The following ZW10 variants were observed in gnomAD, a reference collection of about 807,000 sequenced individuals.
ZW10 encodes centromere/kinetochore protein zw10 homolog.
In ZW10, 53 loss-of-function variants were observed where a neutral mutation model predicts 87.8. The ratio of observed to expected loss-of-function variants is 0.60; its 90% CI spans 0.48 to 0.76. The LOEUF is 0.76. ZW10 is among the 30% of genes least tolerant of loss of function. ZW10 has a pLI of 0.00. For synonymous variants in ZW10, 312 were observed against 329.2 expected (o/e 0.95, Z 0.57); for missense variants, 837 against 923.0 (o/e 0.91, Z 1.21).
At chr11:113,735,000 C>T (rs1953533590) in intron 15 of ZW10, among the ~76,000 whole-genome samples, 1 of 152,002 alleles carries the variant, frequency 6.6e-6, no homozygotes, top group African/African-American at 2.4e-5. Context: ...ATAATGGTTA[C>T]CCCTCATGGA....
chr11:113,766,436 C>T lies in ZW10; in HGVS notation c.240+2397G>A, dbSNP rs954342090. On this transcript the variant is annotated intron_variant, in intron 2 of 15. Coordinates refer to ENST00000200135, the MANE Select transcript of ZW10 (RefSeq NM_004724.4). ...CTGTAATCCCAGCACTTTGGGAGGCCGAGGCGGGTGGATCACGAGGTCAGG... is the reference window on the plus strand; with the variant it reads ...CTGTAATCCCAGCACTTTGGGAGGCTGAGGCGGGTGGATCACGAGGTCAGG... 2.7e-5 allele frequency among the ~76,000 whole-genome samples: 4 copies of T among 145,792 alleles called. No homozygotes were observed. In the East Asian group the frequency reaches 6.2e-4, roughly 23 times the overall value.
chr11:113,773,521 G>T (rs201637602), intron 1 of ZW10, 41 bp downstream of exon 1: 16 of 1,565,150 alleles, frequency 1.0e-5, no homozygotes, highest in Non-Finnish European at 1.4e-5. Context: ...ACAAGGACCC[G>T]GAGTCCCCTT....
Position 113,739,118 on chromosome 11 carries a change from C to T in ZW10, c.1753+95G>A, listed in dbSNP as rs1457397141. On this transcript the variant is annotated intron_variant, in intron 12 of 15. Coordinates refer to ENST00000200135, the MANE Select transcript of ZW10 (RefSeq NM_004724.4). ...TTTCTGATACAGCTCAGGACCACCA[C>T]CTAATTTCTAATTTTCTCATTCAAA... The T allele has an allele frequency of 1.8e-5, 25 of 1,401,934 alleles. No homozygotes were observed. In the East Asian group the frequency reaches 4.5e-4, roughly 25 times the overall value. The allele number at this position is 1,401,934 out of a possible 1,614,324, so 86.8% of individuals were successfully genotyped here. A position where few individuals can be genotyped will look rare whatever the true frequency, so the allele number is the denominator to read the frequency against.
intron 9 of ZW10, 30 bp downstream of exon 9, chr11:113,747,487 CTCATATACAATGTT>C: frequency 1.3e-6 from 2 of 1,529,388 alleles, no homozygotes; most frequent in Non-Finnish European, 1.8e-6. Flanking sequence ...GAGTTGCTTT[CTCATATACAATGTT>C]TCATATACAA....
At chr11:113,741,524 T>C (rs967458959) in intron 11 of ZW10, among the ~76,000 whole-genome samples, 170 bp downstream of exon 11, 1 of 152,264 alleles carries the variant, frequency 6.6e-6, no homozygotes, top group Non-Finnish European at 1.5e-5. Context: ...AATTTAGTAA[T>C]AAATGACCAA....
rs145825447 is a variant in ZW10, at chr11:113,737,874, T to C, written c.1885-171A>G. ...CATTTAACCATAGTGATATCCCTGG[T>C]AGATGAAAAGCAGACTCATCAACCT... On this transcript the variant is annotated intron_variant, in intron 13 of 15. Coordinates refer to ENST00000200135, the MANE Select transcript of ZW10 (RefSeq NM_004724.4). Among the ~76,000 whole-genome samples, 972 of 152,290 alleles carry C rather than the reference T, an allele frequency of 6.4e-3. 11 individuals are homozygous for C. The highest frequency in any genetic ancestry group is 0.022 in the African/African-American group (933 of 41,558).
chr11:113,737,573 T>C lies in ZW10; in HGVS notation c.2015A>G (p.Glu672Gly). 1 of 1,611,162 alleles carries C rather than the reference T, an allele frequency of 6.2e-7. No homozygotes were observed. The highest frequency in any genetic ancestry group is 8.5e-7 in the Non-Finnish European group (1 of 1,178,026). The part of the protein sequence containing the change: ...SEVIGKITAL[E>G]DISTEDGDRL... Reference sequence around the variant, plus strand: ...AGTGTAGCATCTAATGGCCCTTACCTCTAGGGCAGTAATTTTGCCAATGAC... The same window carrying C: ...AGTGTAGCATCTAATGGCCCTTACCCCTAGGGCAGTAATTTTGCCAATGAC... Residue 672 changes from glutamate (E) to glycine (G), a missense_variant and splice_region_variant, in exon 14 of 16, where the codon GAG becomes GGG. Physicochemically the swap from Glu to Gly is moderately conservative, Grantham distance 98. Coordinates refer to ENST00000200135, the MANE Select transcript of ZW10 (RefSeq NM_004724.4).
chr11:113,738,449 A>G, intron 12 of ZW10, 55 bp from the exon 13 acceptor site: 1 of 1,562,462 alleles, frequency 6.4e-7, no homozygotes, highest in East Asian at 2.3e-5. Context: ...TACACACTGC[A>G]AAACCAGGAT....
At position 113,760,872 on chromosome 11, in the gene ZW10, T is replaced by G; in HGVS notation, c.287A>C (p.Lys96Thr). ...HVSTGEFTDL[K>T]QQLERDSVVL... ...AACTGAGTCTCTTTCCAACTGCTGCTTTAAGTCTGTAAATTCACCGGTTGA... is the reference window on the plus strand; with the variant it reads ...AACTGAGTCTCTTTCCAACTGCTGCGTTAAGTCTGTAAATTCACCGGTTGA... Residue 96 changes from lysine (K) to threonine (T), a missense_variant, in exon 3 of 16, where the codon AAG becomes ACG. By Grantham distance (78) the Lys-to-Thr change is moderately conservative. Coordinates refer to ENST00000200135, the MANE Select transcript of ZW10 (RefSeq NM_004724.4). 1 of 1,614,134 alleles carries G rather than the reference T, an allele frequency of 6.2e-7. No homozygotes were observed. The highest frequency in any genetic ancestry group is 8.5e-7 in the Non-Finnish European group (1 of 1,180,022).
rs374339388 is a variant in ZW10, at chr11:113,743,945, G to T, written c.1368C>A (p.His456Gln). The stretch of plus-strand genomic sequence containing the variant: ...TTTCAGGCTCTAAATTCATCACTTC[G>T]TGGTACTGAGTATTGGATACTTTCT... ...EVQKVSNTQY[H>Q]EVMNLEPENT... Residue 456 changes from histidine (H) to glutamine (Q), a missense_variant, in exon 10 of 16, where the codon CAC becomes CAA. Physicochemically the swap from His to Gln is conservative, Grantham distance 24. Transcript: ENST00000200135. 1.9e-6 allele frequency: 3 copies of T among 1,614,056 alleles called. No homozygotes were observed. The African/African-American group carries it at 4.0e-5, about 22-fold the overall frequency.
intron 7 of ZW10, among the ~76,000 whole-genome samples, chr11:113,749,277 A>G (rs1377346900): frequency 6.6e-6 from 1 of 152,224 alleles, no homozygotes; most frequent in Non-Finnish European, 1.5e-5. Context: ...TCTAGTCTGC[A>G]TTGTCCAATA....
At chr11:113,739,548 A>C (rs969170366) in intron 11 of ZW10, among the ~76,000 whole-genome samples, 166 bp from the exon 12 acceptor site, 3 of 152,234 alleles carry the variant, frequency 2.0e-5, no homozygotes, top group Non-Finnish European at 2.9e-5. Context: ...TCCCAGAGGG[A>C]GGCTGTTCTG....
Position 113,765,174 on chromosome 11 carries a change from C to T in ZW10, c.240+3659G>A, listed in dbSNP as rs1480582613. On this transcript the variant is annotated intron_variant, in intron 2 of 15. Coordinates refer to ENST00000200135, the MANE Select transcript of ZW10 (RefSeq NM_004724.4). ...ATCAATAGTGACAAGGGTGAGAAAC[C>T]CTGCTTTATATACTCTTTCTGGGCA... Among the ~76,000 whole-genome samples the T allele has an allele frequency of 5.9e-5, 9 of 152,252 alleles. No homozygotes were observed. In the East Asian group the frequency reaches 1.7e-3, roughly 29 times the overall value.
In ZW10 at chr11:113,757,771, T is replaced by C; in HGVS notation, c.816A>G (p.Ile272Met). 1 of 1,613,850 alleles carries C rather than the reference T, an allele frequency of 6.2e-7. No homozygotes were observed. Among genetic ancestry groups the C allele is most frequent in the Non-Finnish European group, 8.5e-7 (1 of 1,179,826 alleles). The change falls in exon 7 of 16, where the codon ATA becomes ATG. Residue 272 changes from isoleucine (I) to methionine (M), a missense_variant. Transcript: ENST00000200135. ...TTATAGATTCAAAACGAATAATAAC[T>C]ATGTTAGGCTGGCTTTCTATCACAG... ...LHAVIESQPN[I>M]VIIRFESIMT...
At position 113,770,982 on chromosome 11, in the gene ZW10, T is replaced by TC. The variant is rs1953960562; in HGVS notation, c.106-2016_106-2015insG. Among the ~76,000 whole-genome samples the TC allele has an allele frequency of 2.1e-5, 3 of 139,648 alleles. No homozygotes were observed. In the South Asian group the frequency reaches 6.9e-4, roughly 32 times the overall value. The allele number at this position is 139,648 out of a possible 152,430, so 91.6% of individuals were successfully genotyped here. A position where few individuals can be genotyped will look rare whatever the true frequency, so the allele number is the denominator to read the frequency against. ...ACTTGAGGATGCTATTTTTTTTTTTTTTTTTTTTGAGACAGAGTCTCACTC... is the reference window on the plus strand; with the variant it reads ...ACTTGAGGATGCTATTTTTTTTTTTTCTTTTTTTTGAGACAGAGTCTCACTC... On this transcript the variant is annotated intron_variant, in intron 1 of 15. Coordinates refer to ENST00000200135, the MANE Select transcript of ZW10 (RefSeq NM_004724.4).
intron 1 of ZW10, chr11:113,770,080 T>A (rs1393327321): frequency 4.6e-5 from 7 of 153,764 alleles, no homozygotes; most frequent in African/African-American, 1.7e-4. Flanking sequence ...TTCTGTTAAA[T>A]TTCTTTTTTT....
In ZW10 at chr11:113,756,790, C is replaced by T. The variant is rs1893972; in HGVS notation, c.925+872G>A. Among the ~76,000 whole-genome samples, 1,388 of 152,070 alleles carry T rather than the reference C, an allele frequency of 9.1e-3. 15 individuals are homozygous for T. The highest frequency in any genetic ancestry group is 0.016 in the Non-Finnish European group (1,057 of 67,998). Reference sequence around the variant, plus strand: ...TTCTAATCTTTGGATGCTTTGTTTACAACTTAATTTATATCTAGTGAAAAT... The same window carrying T: ...TTCTAATCTTTGGATGCTTTGTTTATAACTTAATTTATATCTAGTGAAAAT... On this transcript the variant is annotated intron_variant, in intron 7 of 15. Coordinates refer to ENST00000200135, the MANE Select transcript of ZW10 (RefSeq NM_004724.4).
chr11:113,742,646 A>C (rs1953633588), intron 10 of ZW10, among the ~76,000 whole-genome samples: 2 of 152,198 alleles, frequency 1.3e-5, no homozygotes, highest in Non-Finnish European at 2.9e-5. Context: ...TTGTGTTCCC[A>C]AAAAATTTAA....
chr11:113,757,676 T>C lies in ZW10; in HGVS notation c.911A>G (p.Gln304Arg). 6.4e-7 allele frequency: 1 copy of C among 1,552,290 alleles called. No homozygotes were observed. The highest frequency in any genetic ancestry group is 8.8e-7 in the Non-Finnish European group (1 of 1,142,632). ...GAGACACATACCTAGAAGCTGTTTC[T>C]GGAGCACTTCTAGTACCAGTCTGAT... Reference protein sequence around the residue: ...TKIRLVLEVLQKQLLDLPLDT... With the variant: ...TKIRLVLEVLRKQLLDLPLDT... The change falls in exon 7 of 16, where the codon CAG (glutamine) becomes CGG (arginine). Residue 304 changes from glutamine to arginine, a missense_variant. Coordinates refer to ENST00000200135, the MANE Select transcript of ZW10 (RefSeq NM_004724.4).
Sources: gnomAD v4.1 joint callset for allele counts (sites outside exome capture counted in the v4.1 genomes callset) on GRCh38, gnomAD v4.1.1 for gene constraint, MANE v1.5 for transcripts, NCBI Gene and HGNC (gene_info 2026-07-23, HGNC 2026-07-21) for gene names.